The following RNF216 variants were observed in gnomAD, a reference collection of about 807,000 sequenced individuals.
The protein encoded by RNF216 is ring finger protein 216.
A neutral mutation model predicts 110.8 loss-of-function variants in RNF216; 72 were observed. The observed-to-expected ratio is 0.65, with a 90% CI of 0.54 to 0.79. The LOEUF is 0.79. Among genes scored for constraint, RNF216 ranks in the 30% least tolerant of loss-of-function variants. The pLI is 0.00. For missense variants in RNF216, 1,342 were observed against 1,141.2 expected (o/e 1.18, Z -2.54); for synonymous variants, 495 against 407.5 (o/e 1.21, Z -2.59).
intron 13 of RNF216, among the ~76,000 whole-genome samples, chr7:5,681,946 G>T (rs772061212): frequency 6.6e-6 from 1 of 152,192 alleles, no homozygotes; most frequent in Non-Finnish European, 1.5e-5. Flanking sequence ...ATGCTACAAA[G>T]ATGACCATCT....
chr7:5,659,964 T>A, intron 13 of RNF216, among the ~76,000 whole-genome samples: 1 of 151,392 alleles, frequency 6.6e-6, no homozygotes. Flanking sequence ...TTTTTTTTTT[T>A]TTTTTTTAGA....
intron 13 of RNF216, among the ~76,000 whole-genome samples, chr7:5,667,320 A>T (rs547979517): frequency 1.3e-5 from 2 of 152,280 alleles, no homozygotes; most frequent in African/African-American, 4.8e-5. Flanking sequence ...TAGGTCACAA[A>T]CAAAAAAGTT....
chr7:5,630,535 T>A (rs796818109), intron 15 of RNF216, among the ~76,000 whole-genome samples: 71 of 152,244 alleles, frequency 4.7e-4, no homozygotes, highest in African/African-American at 1.7e-3. Context: ...TGTATCACCA[T>A]GCCCAGCTAA....
chr7:5,729,217 G>A (rs1333050634), intron 7 of RNF216, among the ~76,000 whole-genome samples: 1 of 152,110 alleles, frequency 6.6e-6, no homozygotes, highest in African/African-American at 2.4e-5. Flanking sequence ...ATGTTTTTAC[G>A]GTCAAAGCAG....
At chr7:5,754,134 G>C (rs939457395) in intron 2 of RNF216, among the ~76,000 whole-genome samples, 3 of 148,140 alleles carry the variant, frequency 2.0e-5, no homozygotes, top group African/African-American at 7.7e-5. Flanking sequence ...GTGTGTGTGT[G>C]TGTGTGTGTG....
chr7:5,644,819 CTTTT>C (rs1328981403), intron 14 of RNF216, among the ~76,000 whole-genome samples: 3 of 144,826 alleles, frequency 2.1e-5, no homozygotes, highest in Non-Finnish European at 4.5e-5. Flanking sequence ...TGCCTATTTT[CTTTT>C]TTTCTTTTTT....
chr7:5,710,235 C>T (rs1792582486), intron 13 of RNF216, among the ~76,000 whole-genome samples: 1 of 152,118 alleles, frequency 6.6e-6, no homozygotes, highest in Non-Finnish European at 1.5e-5. Context: ...TGGCGCATAC[C>T]TGTGATCCCA....
At chr7:5,733,663 CAAA>C (rs75175715) in intron 5 of RNF216, among the ~76,000 whole-genome samples, 22 of 113,770 alleles carry the variant, frequency 1.9e-4, no homozygotes, top group Admixed American at 2.5e-4. Context: ...AAACATTAAC[CAAA>C]AAAAAAAAAA....
chr7:5,760,111 A>C (rs1210386339), intron 2 of RNF216, among the ~76,000 whole-genome samples: 1 of 152,230 alleles, frequency 6.6e-6, no homozygotes, highest in Non-Finnish European at 1.5e-5. Context: ...TTTTAGCCCA[A>C]GTGTAAATGT....
intron 13 of RNF216, among the ~76,000 whole-genome samples, chr7:5,671,499 T>C (rs528013541): frequency 3.9e-4 from 59 of 152,140 alleles, no homozygotes; most frequent in African/African-American, 1.4e-3. Flanking sequence ...TCCAATCTGA[T>C]AGCCTTATAA....
In RNF216 at chr7:5,741,800, T is replaced by G. The variant is rs1443297677; in HGVS notation, c.217A>C (p.Arg73=). The G allele has an allele frequency of 1.9e-6, 3 of 1,601,428 alleles. No homozygotes were observed. The highest frequency in any genetic ancestry group is 2.6e-6 in the Non-Finnish European group (3 of 1,176,090). The change falls in exon 4 of 17, where the codon AGA becomes CGA. Residue 73 remains arginine, a synonymous_variant. Coordinates refer to ENST00000389902, the MANE Select transcript of RNF216 (RefSeq NM_207111.4). Reference sequence around the variant, plus strand: ...GGTTTGATGAGATTGGGTCGTGATCTCTGAGGTTTATTTGTCTAAGAAAAA... The same window carrying G: ...GGTTTGATGAGATTGGGTCGTGATCGCTGAGGTTTATTTGTCTAAGAAAAA... The part of the protein sequence containing the change: ...VILTETNKPQ[R]SRPNLIKPAA...
intron 13 of RNF216, among the ~76,000 whole-genome samples, chr7:5,673,472 G>A (rs1457739813): frequency 6.6e-6 from 1 of 152,206 alleles, no homozygotes; most frequent in Non-Finnish European, 1.5e-5. Flanking sequence ...GGCTCTAGAA[G>A]CCACTGCAGG....
At position 5,741,356 on chromosome 7, in the gene RNF216, C is replaced by T; in HGVS notation, c.661G>A (p.Asp221Asn). The T allele has an allele frequency of 6.2e-7, 1 of 1,614,184 alleles. No individual in the cohort carries two copies. The highest frequency in any genetic ancestry group is 8.5e-7 in the Non-Finnish European group (1 of 1,180,024). ...CAGCAGTCTTCTTCGATGGCCTGAT[C>T]ATCTGCTAGAGCAGCTGACTCTCCT... is the stretch of plus-strand genomic sequence containing the variant. ...NLGESAALAD[D>N]QAIEEDCWLD... The change falls in exon 4 of 17, where the codon GAT becomes AAT. Residue 221 changes from aspartate to asparagine, a missense_variant. By Grantham distance (23) the Asp-to-Asn change is conservative (BLOSUM62 1). Coordinates refer to ENST00000389902, the MANE Select transcript of RNF216 (RefSeq NM_207111.4).
At chr7:5,636,628 G>A (rs1484453438) in intron 15 of RNF216, among the ~76,000 whole-genome samples, 1 of 152,224 alleles carries the variant, frequency 6.6e-6, no homozygotes, top group Non-Finnish European at 1.5e-5. Flanking sequence ...AGCCCCAACA[G>A]ATGCTGGGTT....
intron 15 of RNF216, among the ~76,000 whole-genome samples, chr7:5,637,526 G>A (rs1230281459): frequency 6.6e-6 from 1 of 152,176 alleles, no homozygotes; most frequent in Non-Finnish European, 1.5e-5. Flanking sequence ...TCAAAACCAT[G>A]AGTAGCTCTC....
At chr7:5,655,264 T>A (rs1415307399) in intron 13 of RNF216, among the ~76,000 whole-genome samples, 1 of 152,156 alleles carries the variant, frequency 6.6e-6, no homozygotes, top group Non-Finnish European at 1.5e-5. Context: ...TAGGTGAACG[T>A]GTGGGTTTTC....
intron 13 of RNF216, among the ~76,000 whole-genome samples, chr7:5,689,356 T>C (rs1562393459): frequency 7.3e-6 from 1 of 136,270 alleles, no homozygotes; most frequent in African/African-American, 3.0e-5. Context: ...ACCATATTTG[T>C]AGTATTAAAA....
At chr7:5,698,789 A>G (rs554904165) in intron 13 of RNF216, among the ~76,000 whole-genome samples, 2 of 152,298 alleles carry the variant, frequency 1.3e-5, no homozygotes, top group South Asian at 4.1e-4. Context: ...TGTGCAGAGA[A>G]ACTACACAGG....
chr7:5,709,851 C>T (rs1011558010), intron 13 of RNF216, among the ~76,000 whole-genome samples: 3 of 152,186 alleles, frequency 2.0e-5, no homozygotes, highest in African/African-American at 7.2e-5. Context: ...ATCTCCTGGG[C>T]TCAACTGATT....
Sources: gnomAD v4.1 joint callset for allele counts (sites outside exome capture counted in the v4.1 genomes callset) on GRCh38, gnomAD v4.1.1 for gene constraint, MANE v1.5 for transcripts, NCBI Gene and HGNC (gene_info 2026-07-23, HGNC 2026-07-21) for gene names.